The following CEP152 variants were observed in gnomAD, a reference collection of about 807,000 sequenced individuals.
The protein encoded by CEP152 is centrosomal protein of 152 kDa.
A neutral mutation model predicts 188.9 loss-of-function variants in CEP152; 132 were observed. The observed-to-expected ratio is 0.70, with a 90% CI of 0.61 to 0.81. The LOEUF is 0.81. CEP152 is among the 30% of genes least tolerant of loss of function. The probability of loss-of-function intolerance (pLI) is 0.00; values close to 1 mark genes in which losing one functional copy is unlikely to be tolerated. For synonymous variants in CEP152, 649 were observed against 666.6 expected (o/e 0.97, Z 0.41); for missense variants, 1,914 against 1,969.8 (o/e 0.97, Z 0.54).
chr15:48,737,915 C>T, downstream of CEP152: 1 of 201,846 alleles, frequency 5.0e-6, no homozygotes, highest in South Asian at 1.1e-4. Context: ...TATTCTGAAC[C>T]ACAAAATAAT....
In CEP152 at chr15:48,790,322, C is replaced by G. The variant is rs187234697; in HGVS notation, c.972+915G>C. Among the ~76,000 whole-genome samples the G allele has an allele frequency of 4.5e-4, 69 of 152,284 alleles. 1 individual carries two copies. Among genetic ancestry groups the G allele is most frequent in the African/African-American group, 1.6e-3 (67 of 41,568 alleles). On this transcript the variant is annotated intron_variant, in intron 8 of 26. Transcript: ENST00000380950. ...TAAATAACAAGTAAACAAATGAGAT[C>G]ATTTCAGATAGTTATAGAGTAATAG...
chr15:48,773,449 G>C (rs1044015997), intron 12 of CEP152: 2 of 152,302 alleles, frequency 1.3e-5, no homozygotes, highest in Non-Finnish European at 2.9e-5. Flanking sequence ...AACCCAAACA[G>C]AGCCCAGTAA....
At chr15:48,796,190 G>A (rs1897279233) in intron 5 of CEP152, 30 bp from the exon 6 acceptor site, 2 of 1,610,194 alleles carry the variant, frequency 1.2e-6, no homozygotes, top group East Asian at 4.5e-5. Flanking sequence ...TGACAATTAA[G>A]ATTTGGCCTT....
At chr15:48,753,452 T>G (rs1166063635) in intron 20 of CEP152, among the ~76,000 whole-genome samples, 1 of 152,234 alleles carries the variant, frequency 6.6e-6, no homozygotes, top group African/African-American at 2.4e-5. Flanking sequence ...TATGCCTGAT[T>G]CTAGAAGCCT....
At chr15:48,773,659 A>C (rs1330981213) in intron 12 of CEP152, 2 of 152,240 alleles carry the variant, frequency 1.3e-5, no homozygotes, top group East Asian at 1.9e-4. Flanking sequence ...CATAATGCAA[A>C]GACTTCCTAA....
chr15:48,795,020 C>A (rs916328513), intron 6 of CEP152, among the ~76,000 whole-genome samples: 1 of 152,136 alleles, frequency 6.6e-6, no homozygotes, highest in Non-Finnish European at 1.5e-5. Flanking sequence ...ATGACCTTTC[C>A]CCTACTAATT....
intron 13 of CEP152, among the ~76,000 whole-genome samples, chr15:48,769,503 T>C (rs1895377233): frequency 6.6e-6 from 1 of 152,224 alleles, no homozygotes; most frequent in East Asian, 1.9e-4. Context: ...AAAATCAGGT[T>C]ATGCATCTTT....
chr15:48,739,329 T>C (rs778365740), intron 26 of CEP152, 41 bp from the exon 27 acceptor site: 2 of 1,569,164 alleles, frequency 1.3e-6, no homozygotes, highest in Admixed American at 1.9e-5. Context: ...AGAAAATTAA[T>C]ATTTAAAGGG....
rs370561605 is a variant in CEP152, at chr15:48,769,022, A to C, written c.1842T>G (p.Ser614=). The change falls in exon 14 of 27, where the codon TCT becomes TCG. Residue 614 remains serine, a synonymous_variant. Transcript: ENST00000380950. ...GCAGAATATCATCTCTGACAACATC[A>C]GAAGTAGAAGACTCAGGCCATAATT... The part of the protein sequence containing the change: ...KNQLWPESST[S]DVVRDDILLL... The C allele has an allele frequency of 1.2e-6, 2 of 1,601,096 alleles. No individual in the cohort carries two copies.
At chr15:48,791,420 G>A in intron 7 of CEP152, 44 bp from the exon 8 acceptor site, 2 of 1,545,050 alleles carry the variant, frequency 1.3e-6, no homozygotes, top group Non-Finnish European at 8.9e-7. Flanking sequence ...TCCTGTAGAG[G>A]GACCCCAATG....
In CEP152 at chr15:48,791,389, A is replaced by C. The variant is rs765350564; in HGVS notation, c.833-13T>G. The C allele has an allele frequency of 2.2e-5, 35 of 1,607,388 alleles. No individual in the cohort carries two copies. The highest frequency in any genetic ancestry group is 2.7e-5 in the Non-Finnish European group (32 of 1,177,146). On this transcript the variant is annotated splice_polypyrimidine_tract_variant and intron_variant, in intron 7 of 26. Transcript: ENST00000380950. ...CCATCCTTTTCATCTACGGTATTAA[A>C]AATGTTTATATAAATAATGTTCCTG...
At position 48,738,618 on chromosome 15, in the gene CEP152, T is replaced by C. The variant is rs776903397; in HGVS notation, c.4764A>G (p.Ala1588=). 2 of 1,614,184 alleles carry C rather than the reference T, an allele frequency of 1.2e-6. No homozygotes were observed. Among genetic ancestry groups the C allele is most frequent in the South Asian group, 2.2e-5 (2 of 91,086 alleles). The change falls in exon 27 of 27, where the codon GCA becomes GCG. Residue 1588 remains alanine, a synonymous_variant. Coordinates refer to ENST00000380950, the MANE Select transcript of CEP152 (RefSeq NM_001194998.2). ...CTTGTGGCCTACCATGTACAAATGA[T>C]GCTTCACGACTGTCAAAGGATAAGG... ...SATLSFDSRE[A]SFVHGRPQGT... is the part of the protein sequence containing the mutation.
At chr15:48,766,320 G>A (rs939892647) in intron 17 of CEP152, among the ~76,000 whole-genome samples, 1 of 152,170 alleles carries the variant, frequency 6.6e-6, no homozygotes, top group Non-Finnish European at 1.5e-5. Flanking sequence ...TTCTAATCTT[G>A]AGGCAGATAG....
chr15:48,804,208 G>T (rs1023207714), intron 2 of CEP152, among the ~76,000 whole-genome samples: 1 of 152,262 alleles, frequency 6.6e-6, no homozygotes, highest in Non-Finnish European at 1.5e-5. Context: ...CAGGGCTTTG[G>T]ATGTTTTTTA....
chr15:48,809,068 C>G (rs564639762), intron 1 of CEP152, among the ~76,000 whole-genome samples: 1 of 152,172 alleles, frequency 6.6e-6, no homozygotes, highest in Non-Finnish European at 1.5e-5. Context: ...TTTCTCTGCC[C>G]TCCTTGCAAC....
chr15:48,796,105 T>C lies in CEP152; in HGVS notation c.596A>G (p.Gln199Arg), dbSNP rs746003218. 3.7e-6 allele frequency: 6 copies of C among 1,613,924 alleles called. No homozygotes were observed. The highest frequency in any genetic ancestry group is 5.1e-6 in the Non-Finnish European group (6 of 1,179,856). The part of the protein sequence containing the change: ...PYNKVTYKPY[Q>R]SSAQNNGSPA... ...TGAGCCATTATTCTGGGCAGAAGAC[T>C]GATAAGGTTTATATGTCACTTTATT... is the stretch of plus-strand genomic sequence containing the variant. Residue 199 changes from glutamine to arginine, a missense_variant, in exon 6 of 27, where the codon CAG becomes CGG. Transcript: ENST00000380950.
intron 12 of CEP152, among the ~76,000 whole-genome samples, chr15:48,775,592 T>C (rs1895839537): frequency 6.6e-6 from 1 of 152,126 alleles, no homozygotes. Context: ...ACAGACTCTG[T>C]CAGCAGCAGA....
rs1892732649 is a variant in CEP152 at position 48,738,594 on chromosome 15, T to C, written c.4788A>G (p.Gln1596=). The change falls in exon 27 of 27, where the codon CAA becomes CAG. Residue 1596 remains glutamine (Q), a synonymous_variant. Transcript: ENST00000380950. The part of the protein sequence containing the change: ...REASFVHGRP[Q]GTLEIPSESV... Reference sequence around the variant, plus strand: ...ATTCACTTGGTATTTCCAAAGTTCCTTGTGGCCTACCATGTACAAATGATG... The same window carrying C: ...ATTCACTTGGTATTTCCAAAGTTCCCTGTGGCCTACCATGTACAAATGATG... 1.2e-6 allele frequency: 2 copies of C among 1,614,100 alleles called. No homozygotes were observed. The highest frequency in any genetic ancestry group is 2.7e-5 in the African/African-American group (2 of 74,942).
chr15:48,798,202 T>C, intron 2 of CEP152, 151 bp from the exon 3 acceptor site: 1 of 677,598 alleles, frequency 1.5e-6, no homozygotes, highest in South Asian at 1.6e-5. Context: ...ACACAAATTA[T>C]ATTCATCATT....
Sources: gnomAD v4.1 joint callset for allele counts (sites outside exome capture counted in the v4.1 genomes callset) on GRCh38, gnomAD v4.1.1 for gene constraint, MANE v1.5 for transcripts, NCBI Gene and HGNC (gene_info 2026-07-23, HGNC 2026-07-21) for gene names.